Variants in KCNN2 observed in about 807,000 individuals in gnomAD.
KCNN2 encodes small conductance calcium-activated potassium channel protein 2.
Under a neutral mutation model 55.5 loss-of-function variants are expected in KCNN2, and 24 were observed. The ratio of observed to expected loss-of-function variants is 0.43; its 90% CI spans 0.31 to 0.61. The LOEUF is 0.61. Ranked by LOEUF, KCNN2 falls within the 20% of genes least tolerant of loss-of-function variation. The pLI, the probability that KCNN2 is intolerant of heterozygous loss-of-function variation, is 0.08. For synonymous variants in KCNN2, 431 were observed against 336.1 expected, an observed-to-expected ratio of 1.28 and a Z score of -3.09; for missense variants, 754 against 853.6, an observed-to-expected ratio of 0.88 and a Z score of 1.45.
At chr5:114,128,749 T>A (rs556391681) in intron 1 of KCNN2, among the ~76,000 whole-genome samples, 1 of 152,298 alleles carries the variant, frequency 6.6e-6, no homozygotes, top group East Asian at 1.9e-4. Flanking sequence ...TTGGGTTAAT[T>A]TCTAACTGAT....
intron 1 of KCNN2, among the ~76,000 whole-genome samples, chr5:114,115,783 G>T (rs1355301866): frequency 6.6e-6 from 1 of 151,990 alleles, no homozygotes; most frequent in Non-Finnish European, 1.5e-5. Flanking sequence ...TTCTTTTGGT[G>T]TTTGATACTA....
chr5:114,172,414 C>T (rs184135374), intron 1 of KCNN2, among the ~76,000 whole-genome samples: 2 of 151,616 alleles, frequency 1.3e-5, no homozygotes, highest in Non-Finnish European at 3.0e-5. Flanking sequence ...CACCAACTTA[C>T]CAACTTACGT....
intron 1 of KCNN2, among the ~76,000 whole-genome samples, chr5:114,218,851 G>C (rs951149342): frequency 6.6e-6 from 1 of 152,220 alleles, no homozygotes; most frequent in African/African-American, 2.4e-5. Context: ...GGAAGTCTCA[G>C]TACCTTTGAA....
chr5:114,400,026 C>G (rs1380511918), intron 2 of KCNN2, among the ~76,000 whole-genome samples: 3 of 144,692 alleles, frequency 2.1e-5, no homozygotes, highest in African/African-American at 7.7e-5. Context: ...CTTTATTAGT[C>G]TAGCTAGTGG....
At chr5:114,069,469 A>G (rs1438424679) in intron 1 of KCNN2, among the ~76,000 whole-genome samples, 1 of 152,178 alleles carries the variant, frequency 6.6e-6, no homozygotes, top group South Asian at 2.1e-4. Context: ...GCCTTCAACT[A>G]TAGATTTCTA....
chr5:114,078,962 C>A (rs1294817147), intron 1 of KCNN2, among the ~76,000 whole-genome samples: 1 of 152,050 alleles, frequency 6.6e-6, no homozygotes, highest in Non-Finnish European at 1.5e-5. Flanking sequence ...GTCTATCAAC[C>A]ATATTCAGTT....
At chr5:114,284,358 T>A (rs192837954) in intron 2 of KCNN2, among the ~76,000 whole-genome samples, 139 of 152,330 alleles carry the variant, frequency 9.1e-4, no homozygotes, top group African/African-American at 3.2e-3. Context: ...ATTGGATTTT[T>A]AAAAAATTTC....
At chr5:114,448,868 C>G (rs926880279) in intron 3 of KCNN2, among the ~76,000 whole-genome samples, 1 of 152,212 alleles carries the variant, frequency 6.6e-6, no homozygotes, top group Non-Finnish European at 1.5e-5. Flanking sequence ...GATGGGGCAC[C>G]TTAAGCTGGT....
intron 3 of KCNN2, among the ~76,000 whole-genome samples, chr5:114,409,650 GAGCT>G (rs1438630453): frequency 1.3e-5 from 2 of 152,100 alleles, no homozygotes; most frequent in African/African-American, 2.4e-5. Flanking sequence ...TAAAAGGAAA[GAGCT>G]AGAGAAAAAG....
upstream of KCNN2, among the ~76,000 whole-genome samples, chr5:114,358,264 G>GA (rs201149048): frequency 0.035 from 5,271 of 151,874 alleles, 289 homozygotes; most frequent in African/African-American, 0.12. Flanking sequence ...AAATTTACAA[G>GA]AAAAAAACAA....
chr5:114,453,912 C>G (rs149305259), intron 3 of KCNN2, among the ~76,000 whole-genome samples: 2 of 151,926 alleles, frequency 1.3e-5, no homozygotes, highest in South Asian at 2.1e-4. Context: ...CCTGTCAACC[C>G]GTCATCTAGG....
chr5:114,220,104 A>T (rs1308062383), intron 1 of KCNN2, among the ~76,000 whole-genome samples: 1 of 152,166 alleles, frequency 6.6e-6, no homozygotes, highest in Non-Finnish European at 1.5e-5. Context: ...TACTCTTCGG[A>T]CTGTGTAATT....
At chr5:114,378,457 G>T (rs1758008325) in intron 2 of KCNN2, among the ~76,000 whole-genome samples, 1 of 152,208 alleles carries the variant, frequency 6.6e-6, no homozygotes, top group African/African-American at 2.4e-5. Flanking sequence ...TAAGGAAAGT[G>T]TGTGGTGGGC....
intron 4 of KCNN2, among the ~76,000 whole-genome samples, chr5:114,464,619 C>T (rs996443813): frequency 1.3e-5 from 2 of 152,014 alleles, no homozygotes; most frequent in African/African-American, 4.8e-5. Flanking sequence ...ACATCCTTCT[C>T]CCCCCTCGGT....
intron 1 of KCNN2, among the ~76,000 whole-genome samples, chr5:114,160,573 C>G (rs563498581): frequency 1.3e-5 from 2 of 152,140 alleles, no homozygotes; most frequent in African/African-American, 4.8e-5. Context: ...AACTTTCTGT[C>G]TCGTTGATCT....
intron 2 of KCNN2, among the ~76,000 whole-genome samples, chr5:114,237,217 C>T (rs979740149): frequency 2.0e-5 from 3 of 150,678 alleles, no homozygotes; most frequent in African/African-American, 7.3e-5. Flanking sequence ...AAAAACTTCA[C>T]CATTCAAACT....
At chr5:114,255,140 A>G (rs979746806) in intron 2 of KCNN2, among the ~76,000 whole-genome samples, 5 of 152,224 alleles carry the variant, frequency 3.3e-5, no homozygotes, top group Non-Finnish European at 5.9e-5. Flanking sequence ...TGTATAAGTT[A>G]CGGTGAAAGG....
chr5:114,221,102 A>T (rs2112592623), intron 1 of KCNN2, among the ~76,000 whole-genome samples: 1 of 152,328 alleles, frequency 6.6e-6, no homozygotes, highest in East Asian at 1.9e-4. Context: ...TGAGACAGAA[A>T]ACAGTGCCCT....
chr5:114,191,995 C>G (rs901731636), intron 1 of KCNN2, among the ~76,000 whole-genome samples: 1 of 152,086 alleles, frequency 6.6e-6, no homozygotes, highest in African/African-American at 2.4e-5. Flanking sequence ...TGAGTACAAT[C>G]CAGAATGTAG....
Sources: allele counts gnomAD v4.1 joint callset (sites outside exome capture counted in the v4.1 genomes callset), GRCh38; gene constraint gnomAD v4.1.1; transcripts MANE v1.5; gene names NCBI Gene and HGNC (gene_info 2026-07-23, HGNC 2026-07-21).